LDLRAD3: variants seen among roughly 807,000 people sequenced by gnomAD.
LDLRAD3 encodes the protein low-density lipoprotein receptor class A domain-containing protein 3.
Under a neutral mutation model 29.4 loss-of-function variants are expected in LDLRAD3, and 20 were observed. The observed-to-expected ratio is 0.68, with a 90% CI of 0.48 to 0.99. LDLRAD3 has a LOEUF of 0.99. Among genes scored for constraint, LDLRAD3 ranks in the 50% least tolerant of loss-of-function variants. The probability of loss-of-function intolerance (pLI) is 0.00; values close to 1 mark genes in which losing one functional copy is unlikely to be tolerated. For missense variants in LDLRAD3, 420 were observed against 454.3 expected (o/e 0.92, Z 0.69); for synonymous variants, 157 against 192.7 (o/e 0.81, Z 1.53).
intron 4 of LDLRAD3, among the ~76,000 whole-genome samples, chr11:36,182,164 A>C (rs973252156): frequency 1.3e-5 from 2 of 152,188 alleles, no homozygotes; most frequent in Non-Finnish European, 2.9e-5. Context: ...GAGGAGAATG[A>C]AGGTAAAGAA....
intron 2 of LDLRAD3, among the ~76,000 whole-genome samples, chr11:36,071,465 T>C (rs562484417): frequency 6.6e-6 from 1 of 152,304 alleles, no homozygotes; most frequent in South Asian, 2.1e-4. Context: ...GCATTGTTTA[T>C]TGAAAACACC....
At chr11:36,193,697 G>A (rs755607973) in intron 4 of LDLRAD3, among the ~76,000 whole-genome samples, 1 of 151,972 alleles carries the variant, frequency 6.6e-6, no homozygotes, top group Non-Finnish European at 1.5e-5. Flanking sequence ...TCAAAAATTC[G>A]CCCTGACACC....
chr11:35,973,318 A>G (rs769685544), intron 1 of LDLRAD3, among the ~76,000 whole-genome samples: 2 of 152,136 alleles, frequency 1.3e-5, no homozygotes, highest in Admixed American at 6.5e-5. Flanking sequence ...CTAAGCTCCT[A>G]TTGGTAGACA....
At chr11:36,221,908 A>G (rs1297084923) in intron 4 of LDLRAD3, among the ~76,000 whole-genome samples, 1 of 152,080 alleles carries the variant, frequency 6.6e-6, no homozygotes, top group Non-Finnish European at 1.5e-5. Context: ...TATCCTTCTC[A>G]TGGTTCCATA....
chr11:36,039,281 T>A (rs1285080943), intron 2 of LDLRAD3, among the ~76,000 whole-genome samples: 1 of 152,170 alleles, frequency 6.6e-6, no homozygotes, highest in Non-Finnish European at 1.5e-5. Context: ...AAATTTCTTA[T>A]ATATTCCCTT....
At chr11:35,999,914 A>C (rs577412729) in intron 1 of LDLRAD3, among the ~76,000 whole-genome samples, 41 of 152,292 alleles carry the variant, frequency 2.7e-4, no homozygotes, top group African/African-American at 9.4e-4. Context: ...GCCTGTGCCC[A>C]TGGAGACATT....
At chr11:36,133,832 C>G (rs545600075) in intron 4 of LDLRAD3, among the ~76,000 whole-genome samples, 17 of 152,144 alleles carry the variant, frequency 1.1e-4, no homozygotes, top group Admixed American at 5.9e-4. Context: ...CCACCGCGCC[C>G]GGCCCATTTT....
At chr11:35,961,800 A>G (rs979644933) in intron 1 of LDLRAD3, among the ~76,000 whole-genome samples, 2 of 152,220 alleles carry the variant, frequency 1.3e-5, no homozygotes, top group African/African-American at 4.8e-5. Flanking sequence ...TACGGGGTAC[A>G]TGAGATGTTT....
intron 4 of LDLRAD3, among the ~76,000 whole-genome samples, chr11:36,110,715 T>C (rs956383137): frequency 7.2e-5 from 11 of 152,186 alleles, no homozygotes; most frequent in African/African-American, 2.7e-4. Context: ...CAAACTATTA[T>C]AGATCAGCTC....
intron 4 of LDLRAD3, among the ~76,000 whole-genome samples, chr11:36,148,028 C>A (rs370987547): frequency 6.6e-6 from 1 of 152,026 alleles, no homozygotes; most frequent in African/African-American, 2.4e-5. Flanking sequence ...CCACCACCAG[C>A]CTCGGCTAAT....
At chr11:35,948,437 CGTGTGTGTGTGTGTGTGT>C (rs140009978) in intron 1 of LDLRAD3, among the ~76,000 whole-genome samples, 3 of 147,190 alleles carry the variant, frequency 2.0e-5, no homozygotes, top group African/African-American at 2.5e-5. Context: ...GTTGGCTGAT[CGTGTGTGTGTGTGTGTGT>C]GTGTGTGTGT....
chr11:36,149,549 G>A (rs1854245960), intron 4 of LDLRAD3, among the ~76,000 whole-genome samples: 1 of 152,210 alleles, frequency 6.6e-6, no homozygotes, highest in South Asian at 2.1e-4. Context: ...CAGCTGGTGA[G>A]AGATGAGGAT....
At chr11:36,094,834 G>T (rs1038056366) in intron 3 of LDLRAD3, among the ~76,000 whole-genome samples, 1 of 152,196 alleles carries the variant, frequency 6.6e-6, no homozygotes, top group African/African-American at 2.4e-5. Flanking sequence ...ACCATGTCTG[G>T]CCCATTTTAG....
chr11:36,081,954 C>T (rs984393839), intron 3 of LDLRAD3, among the ~76,000 whole-genome samples, 176 bp downstream of exon 3: 1 of 152,200 alleles, frequency 6.6e-6, no homozygotes, highest in African/African-American at 2.4e-5. Context: ...GTTCAGCCAC[C>T]ATTTATCAGG....
At chr11:36,224,350 T>C (rs1475100767) in intron 4 of LDLRAD3, among the ~76,000 whole-genome samples, 1 of 152,096 alleles carries the variant, frequency 6.6e-6, no homozygotes, top group Non-Finnish European at 1.5e-5. Flanking sequence ...GGCTCCAGGA[T>C]TCCCCCAAGG....
chr11:36,019,238 G>A (rs1287768937), intron 1 of LDLRAD3, among the ~76,000 whole-genome samples: 1 of 152,134 alleles, frequency 6.6e-6, no homozygotes, highest in African/African-American at 2.4e-5. Context: ...TATCGCGGGT[G>A]TTCAGTGCAA....
chr11:35,974,885 A>C lies in LDLRAD3; in HGVS notation c.46+30741A>C, dbSNP rs568814304. On this transcript the variant is annotated intron_variant, in intron 1 of 5. Coordinates refer to ENST00000315571, the MANE Select transcript of LDLRAD3 (RefSeq NM_174902.4). ...GACCATGGTGGGGCCTTAAGAGTCC[A>C]CCTGCCATCCTAGGTTTATTTTACT... Among the ~76,000 whole-genome samples, 4 of 152,330 alleles carry C rather than the reference A, an allele frequency of 2.6e-5. No individual in the cohort carries two copies. The East Asian group carries it at 7.7e-4, about 29-fold the overall frequency.
At chr11:36,211,775 T>C (rs927867249) in intron 4 of LDLRAD3, among the ~76,000 whole-genome samples, 3 of 152,214 alleles carry the variant, frequency 2.0e-5, no homozygotes, top group South Asian at 2.1e-4. Context: ...GATTTTTCTC[T>C]CTCCAGTTTT....
At chr11:36,182,332 G>T (rs750006185) in intron 4 of LDLRAD3, among the ~76,000 whole-genome samples, 7 of 152,006 alleles carry the variant, frequency 4.6e-5, no homozygotes, top group Non-Finnish European at 8.8e-5. Flanking sequence ...TCACCAAGAG[G>T]TATATAGGTT....
Sources: allele counts gnomAD v4.1 joint callset (sites outside exome capture counted in the v4.1 genomes callset), GRCh38; gene constraint gnomAD v4.1.1; transcripts MANE v1.5; gene names NCBI Gene and HGNC (gene_info 2026-07-23, HGNC 2026-07-21).